The following ATP8A2 variants were observed in gnomAD, a reference collection of about 807,000 sequenced individuals.
ATP8A2 encodes the protein phospholipid-transporting ATPase IB.
ATP8A2 carries 100 observed loss-of-function variants against 165.6 expected under a neutral mutation model. The observed-to-expected ratio is 0.60, with a 90% confidence interval of 0.51 to 0.71. The LOEUF is 0.71. Ranked by LOEUF, ATP8A2 falls within the 30% of genes least tolerant of loss-of-function variation. The pLI, the probability that ATP8A2 is intolerant of heterozygous loss-of-function variation, is 0.00. For missense variants in ATP8A2, 1,227 were observed against 1,479.5 expected (o/e 0.83, Z 2.80); for synonymous variants, 543 against 548.8 (o/e 0.99, Z 0.15).
chr13:25,541,450 G>T (rs540531656), intron 8 of ATP8A2, among the ~76,000 whole-genome samples: 10 of 152,238 alleles, frequency 6.6e-5, no homozygotes, highest in African/African-American at 2.4e-4. Context: ...TTGAGCTCAG[G>T]ATTTTGAGCC....
At chr13:25,896,725 G>A (rs1243310709) in intron 33 of ATP8A2, among the ~76,000 whole-genome samples, 1 of 152,094 alleles carries the variant, frequency 6.6e-6, no homozygotes, top group Admixed American at 6.6e-5. Context: ...TCCTGTATTG[G>A]GTGCATATAT....
chr13:25,878,735 C>T (rs1242467346), intron 33 of ATP8A2, among the ~76,000 whole-genome samples: 1 of 152,126 alleles, frequency 6.6e-6, no homozygotes, highest in Non-Finnish European at 1.5e-5. Context: ...TCAAACGCCT[C>T]TGACAACCAG....
At chr13:25,725,247 C>G (rs960384322) in intron 25 of ATP8A2, among the ~76,000 whole-genome samples, 64 of 152,230 alleles carry the variant, frequency 4.2e-4, no homozygotes, top group African/African-American at 1.4e-3. Context: ...ACTTCCTGTC[C>G]TCTGTGAGCA....
chr13:25,753,137 T>C (rs1387855026), intron 25 of ATP8A2, among the ~76,000 whole-genome samples: 1 of 152,040 alleles, frequency 6.6e-6, no homozygotes, highest in Admixed American at 6.6e-5. Context: ...GGAGTGGGCA[T>C]GGGGCGCTGC....
At chr13:25,884,502 C>A (rs1367966950) in intron 33 of ATP8A2, among the ~76,000 whole-genome samples, 1 of 152,170 alleles carries the variant, frequency 6.6e-6, no homozygotes, top group Non-Finnish European at 1.5e-5. Flanking sequence ...AGGCAGGCTG[C>A]AGAAGGAGGC....
rs74428403 is a variant in ATP8A2 at position 25,422,989 on chromosome 13, G to A, written c.77-45988G>A. Reference sequence around the variant, plus strand: ...CATGAATGACAGCCCTCTCTTCATGGCCTTCCTTGGCTCTATTTGTCAGGG... The same window carrying A: ...CATGAATGACAGCCCTCTCTTCATGACCTTCCTTGGCTCTATTTGTCAGGG... On this transcript the variant is annotated intron_variant, in intron 1 of 36. Coordinates refer to ENST00000381655, the MANE Select transcript of ATP8A2 (RefSeq NM_016529.6). Among the ~76,000 whole-genome samples the A allele has an allele frequency of 9.9e-3, 1,506 of 152,156 alleles. 31 individuals are homozygous for A. The highest frequency in any genetic ancestry group is 0.034 in the African/African-American group (1,404 of 41,498).
rs1355247534 is a variant in ATP8A2, at chr13:25,529,872, C to T, written c.222-127C>T. ...TTTAGGAGAAGATACACAGCAATTTCCTTGTCTTGAGTTTTGAAACATTTT... is the reference window on the plus strand; with the variant it reads ...TTTAGGAGAAGATACACAGCAATTTTCTTGTCTTGAGTTTTGAAACATTTT... On this transcript the variant is annotated intron_variant, in intron 2 of 36. Transcript: ENST00000381655. The T allele has an allele frequency of 5.3e-6, 3 of 570,638 alleles. No individual in the cohort carries two copies. The Admixed American group carries it at 1.0e-4, about 20-fold the overall frequency. The allele number at this position is 570,638 out of a possible 1,614,324, so 35.3% of individuals were successfully genotyped here.
At chr13:25,915,353 G>A (rs1954240567) in intron 33 of ATP8A2, among the ~76,000 whole-genome samples, 1 of 152,212 alleles carries the variant, frequency 6.6e-6, no homozygotes, top group African/African-American at 2.4e-5. Flanking sequence ...CATTGCAGAT[G>A]TCATAGAGGG....
chr13:25,922,783 A>G (rs751329003), intron 33 of ATP8A2, among the ~76,000 whole-genome samples: 1 of 152,322 alleles, frequency 6.6e-6, no homozygotes, highest in Non-Finnish European at 1.5e-5. Flanking sequence ...GGTAGGCCCT[A>G]CACATTTGTT....
intron 2 of ATP8A2, among the ~76,000 whole-genome samples, chr13:25,489,117 C>T (rs1224452925): frequency 6.6e-6 from 1 of 152,050 alleles, no homozygotes; most frequent in African/African-American, 2.4e-5. Context: ...CTTTCACCTT[C>T]CCGATTGCTG....
rs1566180759 is a variant in ATP8A2, at chr13:25,829,667, G to GGT, written c.2754+1476_2754+1477dup. On this transcript the variant is annotated intron_variant, in intron 28 of 36. Transcript: ENST00000381655. ...TTGTTGTAGAGCCAAGGACAGGTGTGGTATATATATATATATATATATATA... is the reference window on the plus strand; with the variant it reads ...TTGTTGTAGAGCCAAGGACAGGTGTGGTGTATATATATATATATATATATATA... 5.5e-4 allele frequency among the ~76,000 whole-genome samples: 26 copies of GGT among 46,910 alleles called. 1 individual carries two copies. Among genetic ancestry groups the GGT allele is most frequent in the African/African-American group, 1.9e-3 (24 of 12,554 alleles). The allele number at this position is 46,910 out of a possible 152,430, so 30.8% of individuals were successfully genotyped here. A position where few individuals can be genotyped will look rare whatever the true frequency, so the allele number is the denominator to read the frequency against.
At position 25,984,419 on chromosome 13, in the gene ATP8A2, C is replaced by T. The variant is rs192938875; in HGVS notation, c.3377+15740C>T. Among the ~76,000 whole-genome samples the T allele has an allele frequency of 4.7e-4, 71 of 151,522 alleles. No homozygotes were observed. The East Asian group carries it at 0.01, about 22-fold the overall frequency. ...AGGAGTTCGAGACCAGCCTGGCCAA[C>T]GTGGTGAAACCCCACCTCTACTAAA... On this transcript the variant is annotated intron_variant, in intron 35 of 36. Coordinates refer to ENST00000381655, the MANE Select transcript of ATP8A2 (RefSeq NM_016529.6).
At chr13:25,822,706 T>C (rs1025837660) in intron 27 of ATP8A2, among the ~76,000 whole-genome samples, 8 of 152,200 alleles carry the variant, frequency 5.3e-5, no homozygotes, top group Admixed American at 1.3e-4. Flanking sequence ...TCATTTAATA[T>C]CAGTTTTCTT....
rs985053562 is a variant in ATP8A2, at chr13:26,021,325, A to G, written c.*1340A>G. On this transcript the variant is annotated 3_prime_UTR_variant, in exon 37 of 37. Transcript: ENST00000381655. The stretch of plus-strand genomic sequence containing the variant: ...AATTGTCATGATCAGCCCAGTGTGT[A>G]TGAGAGCTTAAACAAGACCTTCACA... 4.6e-5 allele frequency: 7 copies of G among 152,260 alleles called. No homozygotes were observed. Among genetic ancestry groups the G allele is most frequent in the Non-Finnish European group, 1.0e-4 (7 of 68,046 alleles). The allele number at this position is 152,260 out of a possible 1,614,324, so 9.4% of individuals were successfully genotyped here. A position where few individuals can be genotyped will look rare whatever the true frequency, so the allele number is the denominator to read the frequency against.
At chr13:25,918,244 G>T (rs1954326369) in intron 33 of ATP8A2, among the ~76,000 whole-genome samples, 1 of 152,174 alleles carries the variant, frequency 6.6e-6, no homozygotes, top group African/African-American at 2.4e-5. Context: ...GATGCTCAAG[G>T]TTCCTGGGTG....
At chr13:25,669,295 A>G (rs1442015598) in intron 24 of ATP8A2, among the ~76,000 whole-genome samples, 1 of 152,138 alleles carries the variant, frequency 6.6e-6, no homozygotes, top group African/African-American at 2.4e-5. Flanking sequence ...CTGTTGACAT[A>G]TGGTTACTGA....
intron 27 of ATP8A2, among the ~76,000 whole-genome samples, chr13:25,794,813 C>T (rs217873): frequency 0.21 from 25,696 of 124,032 alleles, 2,324 homozygotes; most frequent in Admixed American, 0.29. Flanking sequence ...CAACGCATTC[C>T]CTCTCCTACA....
Position 25,912,707 on chromosome 13 carries a change from TG to T in ATP8A2, c.3184-48867del, listed in dbSNP as rs560604893. 2.6e-5 allele frequency among the ~76,000 whole-genome samples: 4 copies of T among 152,352 alleles called. No homozygotes were observed. In the East Asian group the frequency reaches 7.7e-4, roughly 29 times the overall value. On this transcript the variant is annotated intron_variant, in intron 33 of 36. Coordinates refer to ENST00000381655, the MANE Select transcript of ATP8A2 (RefSeq NM_016529.6). Reference sequence around the variant, plus strand: ...AACCTAAATTTTTTTTAATTAACTGTGTAAGTATGGTATAGTATGCACTACA... The same window carrying T: ...AACCTAAATTTTTTTTAATTAACTGTTAAGTATGGTATAGTATGCACTACA...
intron 30 of ATP8A2, among the ~76,000 whole-genome samples, chr13:25,858,878 A>C (rs1952249083): frequency 6.6e-6 from 1 of 152,194 alleles, no homozygotes; most frequent in African/African-American, 2.4e-5. Flanking sequence ...GGAGAACTTG[A>C]CAAGAGAGGG....
Sources: allele counts gnomAD v4.1 joint callset (sites outside exome capture counted in the v4.1 genomes callset), GRCh38; gene constraint gnomAD v4.1.1; transcripts MANE v1.5; gene names NCBI Gene and HGNC (gene_info 2026-07-23, HGNC 2026-07-21).